OR1J2: variants seen among roughly 807,000 people sequenced by gnomAD.
OR1J2 encodes the protein olfactory receptor 1J2.
For missense variants in OR1J2, 304 were observed against 246.1 expected, an observed-to-expected ratio of 1.24 and a Z score of -1.57; for synonymous variants, 142 against 99.7, an observed-to-expected ratio of 1.42 and a Z score of -2.52.
chr9:122,575,403 G>A, the OR1J2 span, among the ~76,000 whole-genome samples: 1 of 151,850 alleles, frequency 6.6e-6, no homozygotes, highest in Non-Finnish European at 1.5e-5. Context: ...ATTTCTTTTT[G>A]TGTGCATTTT....
chr9:122,548,601 A>ATATATATATATATATATATATATT, the OR1J2 span, among the ~76,000 whole-genome samples: 1 of 151,550 alleles, frequency 6.6e-6, no homozygotes, highest in Non-Finnish European at 1.5e-5. Flanking sequence ...ATATATATAT[A>ATATATATATATATATATATATATT]TTTTTATTAT....
At chr9:122,554,291 A>AG in the OR1J2 span, 2 of 569,802 alleles carry the variant, frequency 3.5e-6, no homozygotes, top group Non-Finnish European at 5.9e-6. Flanking sequence ...AGGGATGTAA[A>AG]AAAAAAAAAA....
the OR1J2 span, among the ~76,000 whole-genome samples, chr9:122,536,242 C>T: frequency 1.3e-5 from 2 of 152,066 alleles, no homozygotes; most frequent in Non-Finnish European, 2.9e-5. Flanking sequence ...AAGGTTCCTG[C>T]TCCTAACTTC....
At chr9:122,478,454 C>G in the OR1J2 span, among the ~76,000 whole-genome samples, 2 of 152,018 alleles carry the variant, frequency 1.3e-5, no homozygotes, top group African/African-American at 2.4e-5. Context: ...TTCTGTATAC[C>G]CTGCTTGTCT....
At chr9:122,495,988 G>T in the OR1J2 span, among the ~76,000 whole-genome samples, 1 of 152,148 alleles carries the variant, frequency 6.6e-6, no homozygotes, top group African/African-American at 2.4e-5. Context: ...GAGCTACCAG[G>T]CCCTGGGATG....
At chr9:122,551,401 A>G in the OR1J2 span, among the ~76,000 whole-genome samples, 2 of 152,184 alleles carry the variant, frequency 1.3e-5, no homozygotes, top group African/African-American at 4.8e-5. Context: ...AGGTTGCCTC[A>G]TTAATTGAGT....
chr9:122,495,355 G>C, the OR1J2 span, among the ~76,000 whole-genome samples: 1 of 152,096 alleles, frequency 6.6e-6, no homozygotes, highest in African/African-American at 2.4e-5. Context: ...CATAGTCCCA[G>C]ACTTCTTAGA....
chr9:122,498,365 G>T, the OR1J2 span, among the ~76,000 whole-genome samples: 1 of 151,994 alleles, frequency 6.6e-6, no homozygotes. Context: ...ATTAGACTAG[G>T]TTGATTCAAA....
the OR1J2 span, among the ~76,000 whole-genome samples, chr9:122,464,729 G>GATC: frequency 1.3e-5 from 2 of 152,130 alleles, no homozygotes; most frequent in East Asian, 3.9e-4. Flanking sequence ...AGCTTCCATG[G>GATC]ATCATCTTTC....
chr9:122,451,650 T>C, the OR1J2 span, among the ~76,000 whole-genome samples: 128 of 152,254 alleles, frequency 8.4e-4, no homozygotes, highest in African/African-American at 3.0e-3. Context: ...GCAACCATTT[T>C]CATTTATTTT....
At chr9:122,579,696 T>TAAAATG in the OR1J2 span, among the ~76,000 whole-genome samples, 1 of 152,218 alleles carries the variant, frequency 6.6e-6, no homozygotes, top group African/African-American at 2.4e-5. Context: ...GGTGTCATAA[T>TAAAATG]TATTTCAGGA....
the OR1J2 span, among the ~76,000 whole-genome samples, chr9:122,544,689 A>G: frequency 6.6e-6 from 1 of 152,086 alleles, no homozygotes; most frequent in Non-Finnish European, 1.5e-5. Context: ...AAAGCAAAAT[A>G]TCCTCTTCTT....
the OR1J2 span, among the ~76,000 whole-genome samples, chr9:122,480,667 A>C: frequency 6.6e-6 from 1 of 152,060 alleles, no homozygotes; most frequent in African/African-American, 2.4e-5. Context: ...TCTAGGGTAC[A>C]TGTGCACAAC....
At chr9:122,537,981 C>T in the OR1J2 span, among the ~76,000 whole-genome samples, 1 of 152,162 alleles carries the variant, frequency 6.6e-6, no homozygotes, top group South Asian at 2.1e-4. Flanking sequence ...TCCTAATGTC[C>T]ATGTGGGCCC....
the OR1J2 span, among the ~76,000 whole-genome samples, chr9:122,546,263 G>A: frequency 7.9e-5 from 12 of 152,184 alleles, no homozygotes; most frequent in Admixed American, 4.6e-4. Context: ...TGTGCAGGCT[G>A]TGGCAAATTA....
the OR1J2 span, chr9:122,553,499 G>C: frequency 0.5 from 806,874 of 1,613,500 alleles, 203,782 homozygotes; most frequent in East Asian, 0.62. Context: ...AGATCATCTC[G>C]TATTCTGGGT....
In OR1J2 at chr9:122,511,377, C is replaced by A. The variant is rs1375638726; in HGVS notation, c.576C>A (p.Ile192=). 2 of 745,300 alleles carry A rather than the reference C, an allele frequency of 2.7e-6. No homozygotes were observed. The highest frequency in any genetic ancestry group is 3.0e-5 in the South Asian group (2 of 66,800). 46.2% of individuals were successfully genotyped at this position (745,300 alleles called of 1,614,324 possible). ...AALLKLSCSD[I]FLNELVMFTV... ...TGCTCAAGCTGTCCTGCTCAGATATCTTCCTCAATGAGCTGGTCATGTTCA... is the reference window on the plus strand; with the variant it reads ...TGCTCAAGCTGTCCTGCTCAGATATATTCCTCAATGAGCTGGTCATGTTCA... The change falls in exon 1 of 1, where the codon ATC becomes ATA. Residue 192 remains isoleucine, a synonymous_variant. Transcript: ENST00000335302.
the OR1J2 span, among the ~76,000 whole-genome samples, chr9:122,539,292 G>A: frequency 6.6e-6 from 1 of 151,968 alleles, no homozygotes; most frequent in Non-Finnish European, 1.5e-5. Flanking sequence ...ATGCCCTGGT[G>A]TGTGATGTTC....
the OR1J2 span, among the ~76,000 whole-genome samples, chr9:122,497,841 G>A: frequency 6.6e-6 from 1 of 152,102 alleles, no homozygotes; most frequent in Non-Finnish European, 1.5e-5. Flanking sequence ...TTTTGCTGCA[G>A]TGTTTGTGGC....
Sources: allele counts gnomAD v4.1 joint callset (sites outside exome capture counted in the v4.1 genomes callset), GRCh38; gene constraint gnomAD v4.1.1; transcripts MANE v1.5; gene names NCBI Gene and HGNC (gene_info 2026-07-23, HGNC 2026-07-21).